The following LOXHD1 variants were observed in gnomAD, a reference collection of about 807,000 sequenced individuals.
LOXHD1 encodes the protein lipoxygenase homology domain-containing protein 1.
LOXHD1 carries 205 observed loss-of-function variants against 248.2 expected under a neutral mutation model. That is an observed-to-expected ratio of 0.83 (90% confidence interval 0.74 to 0.93). The LOEUF (loss-of-function observed/expected upper bound fraction) is 0.93, where lower values mean the gene tolerates loss of function less well. LOXHD1 is among the 40% of genes least tolerant of loss of function. The pLI, the probability that LOXHD1 is intolerant of heterozygous loss-of-function variation, is 0.00. For missense variants in LOXHD1, 2,930 were observed against 2,971.6 expected (o/e 0.99, Z 0.33); for synonymous variants, 1,113 against 1,162.8 (o/e 0.96, Z 0.87).
chr18:46,545,360 A>G lies in LOXHD1; in HGVS notation c.3576T>C (p.Asp1192=), dbSNP rs1353076372. 4.5e-6 allele frequency: 7 copies of G among 1,551,904 alleles called. No individual in the cohort carries two copies. The highest frequency in any genetic ancestry group is 6.1e-6 in the Non-Finnish European group (7 of 1,147,042). Residue 1192 remains aspartate, a synonymous_variant, in exon 23 of 41, where the codon GAT becomes GAC. Transcript: ENST00000642948. The part of the protein sequence containing the change: ...KTGVKKNAGT[D]ANVFITLFGT... The stretch of plus-strand genomic sequence containing the variant: ...CAAAGAGTGTGATGAAGACATTAGC[A>G]TCTGTGCCCGCATTCTTCTTAACCC...
chr18:46,528,713 T>G (rs888974848), intron 29 of LOXHD1, among the ~76,000 whole-genome samples: 1 of 152,120 alleles, frequency 6.6e-6, no homozygotes, highest in African/African-American at 2.4e-5. Flanking sequence ...AATTTACAGA[T>G]GAGGAAACTG....
intron 25 of LOXHD1, among the ~76,000 whole-genome samples, chr18:46,539,460 T>TAA (rs35650595): frequency 0.013 from 1,930 of 150,306 alleles, 41 homozygotes; most frequent in African/African-American, 0.044. Context: ...GACTCTCTCT[T>TAA]AAAAAAAAAA....
At chr18:46,643,921 A>G (rs2038995580) in intron 2 of LOXHD1, among the ~76,000 whole-genome samples, 1 of 152,266 alleles carries the variant, frequency 6.6e-6, no homozygotes, top group African/African-American at 2.4e-5. Context: ...ACCAGAATGT[A>G]CAAACAGAAT....
At chr18:46,542,254 GAAGAAGGGGC>G (rs2036593395) in intron 24 of LOXHD1, among the ~76,000 whole-genome samples, 1 of 152,170 alleles carries the variant, frequency 6.6e-6, no homozygotes, top group Admixed American at 6.5e-5. Flanking sequence ...GTCCTTCCTT[GAAGAAGGGGC>G]TTCAAACAGA....
At chr18:46,568,566 G>C (rs1345420289) in intron 16 of LOXHD1, among the ~76,000 whole-genome samples, 1 of 152,142 alleles carries the variant, frequency 6.6e-6, no homozygotes, top group Non-Finnish European at 1.5e-5. Flanking sequence ...AACACCTGAG[G>C]GTAGGGCTTC....
At chr18:46,557,840 C>T in intron 20 of LOXHD1, 1 of 1,291,274 alleles carries the variant, frequency 7.7e-7, no homozygotes, top group Non-Finnish European at 9.9e-7. Context: ...TGCACTGAAA[C>T]CCTCTGCAAT....
At position 46,604,192 on chromosome 18, in the gene LOXHD1, T is replaced by C. The variant is rs1185178333; in HGVS notation, c.797A>G (p.Asp266Gly). ...IEDIGNKRKY[D>G]FPLNRWLALD... ...GGCCAGCCAGCGGTTAAGGGGGAAGTCATATTTTCTTTTGTTCCCAATATC... is the reference window on the plus strand; with the variant it reads ...GGCCAGCCAGCGGTTAAGGGGGAAGCCATATTTTCTTTTGTTCCCAATATC... The change falls in exon 7 of 41, where the codon GAC becomes GGC. Residue 266 changes from aspartate to glycine, a missense_variant. Physicochemically the swap from Asp to Gly is moderately conservative, Grantham distance 94. Coordinates refer to ENST00000642948, the MANE Select transcript of LOXHD1 (RefSeq NM_001384474.1). 5.8e-6 allele frequency: 9 copies of C among 1,551,598 alleles called. No homozygotes were observed. The highest frequency in any genetic ancestry group is 1.4e-5 in the African/African-American group (1 of 73,052).
At chr18:46,485,407 G>A (rs2032973577) in intron 38 of LOXHD1, among the ~76,000 whole-genome samples, 2 of 152,194 alleles carry the variant, frequency 1.3e-5, no homozygotes, top group East Asian at 1.9e-4. Context: ...CACTGGGAAT[G>A]CAGCAGGAGG....
rs2143624175 is a variant in LOXHD1, at chr18:46,488,976, C to T, written c.6045G>A (p.Glu2015=). Residue 2015 remains glutamate, a synonymous_variant, in exon 38 of 41, where the codon GAG becomes GAA. Transcript: ENST00000642948. The part of the protein sequence containing the change: ...ANNKICDELE[E]TTYEIVIETG... ...CCAATGATCTCCCCCACATACTGGT[C>T]TCTTCCAGCTCATCACAGATCTTGT... 6.4e-7 allele frequency: 1 copy of T among 1,551,216 alleles called. No homozygotes were observed. Among genetic ancestry groups the T allele is most frequent in the East Asian group, 2.4e-5 (1 of 40,902 alleles).
intron 6 of LOXHD1, among the ~76,000 whole-genome samples, chr18:46,607,389 G>A (rs972109699): frequency 1.4e-5 from 2 of 147,308 alleles, no homozygotes; most frequent in Non-Finnish European, 3.0e-5. Context: ...ACATATATAC[G>A]TACGTATATG....
intron 36 of LOXHD1, among the ~76,000 whole-genome samples, chr18:46,506,519 G>A (rs1479713841): frequency 1.3e-5 from 2 of 152,192 alleles, no homozygotes; most frequent in Non-Finnish European, 2.9e-5. Context: ...CTTCTGGAAG[G>A]GGTGACCCAG....
intron 12 of LOXHD1, among the ~76,000 whole-genome samples, chr18:46,588,507 T>C (rs1031364555): frequency 1.3e-5 from 2 of 152,208 alleles, no homozygotes; most frequent in Admixed American, 6.5e-5. Flanking sequence ...ATGTAACCTG[T>C]AGAGATGCTC....
intron 24 of LOXHD1, among the ~76,000 whole-genome samples, chr18:46,542,200 G>T (rs1410564097): frequency 6.6e-6 from 1 of 152,174 alleles, no homozygotes; most frequent in Non-Finnish European, 1.5e-5. Flanking sequence ...AGGAGAGTAG[G>T]GGGAGGCTGA....
chr18:46,555,954 T>C (rs1231974884), intron 21 of LOXHD1, among the ~76,000 whole-genome samples: 1 of 152,016 alleles, frequency 6.6e-6, no homozygotes, highest in Admixed American at 6.5e-5. Context: ...TCAGGCCCAA[T>C]CGGGCCTACC....
intron 6 of LOXHD1, among the ~76,000 whole-genome samples, chr18:46,610,292 T>G (rs2038485906): frequency 6.7e-6 from 1 of 150,316 alleles, no homozygotes; most frequent in Non-Finnish European, 1.5e-5. Context: ...TAGCAAACTA[T>G]CACAAGGGCA....
rs1036311835 is a variant in LOXHD1 at position 46,636,817 on chromosome 18, A to G, written c.511+2799T>C. On this transcript the variant is annotated intron_variant, in intron 4 of 40. Coordinates refer to ENST00000642948, the MANE Select transcript of LOXHD1 (RefSeq NM_001384474.1). ...TGACGTAATTTCAGGTGAAAAGCAAAGAAATTTAACTTTTTCTTTACCAAT... is the reference window on the plus strand; with the variant it reads ...TGACGTAATTTCAGGTGAAAAGCAAGGAAATTTAACTTTTTCTTTACCAAT... Among the ~76,000 whole-genome samples, 7 of 152,236 alleles carry G rather than the reference A, an allele frequency of 4.6e-5. No individual in the cohort carries two copies. In the East Asian group the frequency reaches 1.3e-3, roughly 29 times the overall value.
chr18:46,556,086 C>T (rs1450409592), intron 21 of LOXHD1, among the ~76,000 whole-genome samples: 8 of 148,922 alleles, frequency 5.4e-5, no homozygotes, highest in Admixed American at 2.0e-4. Context: ...ATTTCAGTGT[C>T]CAACACTGAA....
At chr18:46,615,053 CTGAGA>C (rs2038565893) in intron 5 of LOXHD1, among the ~76,000 whole-genome samples, 1 of 152,152 alleles carries the variant, frequency 6.6e-6, no homozygotes, top group Admixed American at 6.6e-5. Context: ...TTTTAGGATG[CTGAGA>C]TGAAAGATCA....
chr18:46,482,593 T>C (rs2143512109), intron 40 of LOXHD1, among the ~76,000 whole-genome samples: 1 of 152,350 alleles, frequency 6.6e-6, no homozygotes, highest in Middle Eastern at 3.4e-3. Context: ...TTCTGCCAAA[T>C]TCCCAAGGAG....
Sources: allele counts gnomAD v4.1 joint callset (sites outside exome capture counted in the v4.1 genomes callset), GRCh38; gene constraint gnomAD v4.1.1; transcripts MANE v1.5; gene names NCBI Gene and HGNC (gene_info 2026-07-23, HGNC 2026-07-21).